Variants in EIF2S3B observed in about 807,000 individuals in gnomAD.
The protein encoded by EIF2S3B is eukaryotic translation initiation factor 2 subunit gamma B.
Under a neutral mutation model 26.4 loss-of-function variants are expected in EIF2S3B, and 16 were observed. The observed-to-expected ratio is 0.61, with a 90% confidence interval of 0.41 to 0.92. The LOEUF (loss-of-function observed/expected upper bound fraction) is 0.92. Among genes scored for constraint, EIF2S3B ranks in the 40% least tolerant of loss-of-function variants. The probability of loss-of-function intolerance (pLI) is 0.00; values close to 1 mark genes in which losing one functional copy is unlikely to be tolerated. For synonymous variants in EIF2S3B, 183 were observed against 204.4 expected (o/e 0.90, Z 0.89); for missense variants, 510 against 575.5 (o/e 0.89, Z 1.16).
chr12:10,514,234 C>T (rs1354567030), intron 1 of EIF2S3B, among the ~76,000 whole-genome samples: 1 of 111,992 alleles, frequency 8.9e-6, no homozygotes, highest in African/African-American at 2.9e-5. Context: ...TCCTACTTGT[C>T]TCATCAAAAT....
Position 10,506,429 on chromosome 12 carries a change from C to G in EIF2S3B, c.527C>G (p.Ala176Gly). The change falls in exon 1 of 1, where the codon GCT becomes GGT. Residue 176 changes from alanine (A) to glycine (G), a missense_variant. Coordinates refer to ENST00000538173, the MANE Select transcript of EIF2S3B (RefSeq NM_001357734.3). ...PQPQTSEHLAAIEIMKLKHIL... is the reference protein window; with the variant it reads ...PQPQTSEHLAGIEIMKLKHIL... ...CCTCAGACATCTGAACACCTGGCTG[C>G]TATAGAGATCATGAAACTGAAGCAT... The G allele has an allele frequency of 1.2e-6, 2 of 1,613,516 alleles. No homozygotes were observed. The highest frequency in any genetic ancestry group is 1.3e-5 in the African/African-American group (1 of 75,002).
In EIF2S3B at chr12:10,506,751, C is replaced by G; in HGVS notation, c.849C>G (p.Ile283Met). 1 of 1,613,932 alleles carries G rather than the reference C, an allele frequency of 6.2e-7. No individual in the cohort carries two copies. Among genetic ancestry groups the G allele is most frequent in the Non-Finnish European group, 8.5e-7 (1 of 1,179,862 alleles). The change falls in exon 1 of 1, where the codon ATC becomes ATG. Residue 283 changes from isoleucine to methionine, a missense_variant. By Grantham distance (10) the Ile-to-Met change is conservative. Transcript: ENST00000538173. ...DLKGGVAGGS[I>M]LKGVLKVGQE... ...AGGGAGGTGTAGCTGGTGGTAGTAT[C>G]CTAAAAGGAGTATTAAAGGTGGGCC...
At chr12:10,520,663 G>A (rs1184943363) in intron 1 of EIF2S3B, among the ~76,000 whole-genome samples, 1 of 151,948 alleles carries the variant, frequency 6.6e-6, no homozygotes, top group Non-Finnish European at 1.5e-5. Flanking sequence ...TGAGCTGAAC[G>A]TCTTCCGTTC....
Position 10,506,419 on chromosome 12 carries a change from C to T in EIF2S3B, c.517C>T (p.His173Tyr). The change falls in exon 1 of 1, where the codon CAC (histidine) becomes TAC (tyrosine). Residue 173 changes from histidine to tyrosine, a missense_variant. Physicochemically the swap from His to Tyr is moderately conservative, Grantham distance 83. Transcript: ENST00000538173. ...ESCPQPQTSE[H>Y]LAAIEIMKLK... ...TTGCCCTCAGCCTCAGACATCTGAACACCTGGCTGCTATAGAGATCATGAA... is the reference window on the plus strand; with the variant it reads ...TTGCCCTCAGCCTCAGACATCTGAATACCTGGCTGCTATAGAGATCATGAA... 6.2e-7 allele frequency: 1 copy of T among 1,613,756 alleles called. No homozygotes were observed.
At chr12:10,515,742 T>A (rs1864748339) in intron 1 of EIF2S3B, among the ~76,000 whole-genome samples, 1 of 151,708 alleles carries the variant, frequency 6.6e-6, no homozygotes, top group African/African-American at 2.4e-5. Flanking sequence ...CAAACCCCAT[T>A]TTACACACAA....
rs758644903 is a variant in EIF2S3B, at chr12:10,508,051, A to C, written c.*730A>C. Among the ~76,000 whole-genome samples, 3 of 152,210 alleles carry C rather than the reference A, an allele frequency of 2.0e-5. No individual in the cohort carries two copies. Among genetic ancestry groups the C allele is most frequent in the Non-Finnish European group, 2.9e-5 (2 of 68,024 alleles). On this transcript the variant is annotated 3_prime_UTR_variant, in exon 1 of 1. Coordinates refer to ENST00000538173, the MANE Select transcript of EIF2S3B (RefSeq NM_001357734.3). ...GTTGTACCAGTAAAAACTTAAAGGCACAAATTATCCTTGAAGACCTTCTCC... is the reference window on the plus strand; with the variant it reads ...GTTGTACCAGTAAAAACTTAAAGGCCCAAATTATCCTTGAAGACCTTCTCC...
At position 10,507,435 on chromosome 12, in the gene EIF2S3B, C is replaced by T. The variant is rs1864650495; in HGVS notation, c.*114C>T. ...GGGGAATTGATTTCACAGTTTGTTA[C>T]CTTAGTAGGTAACGGTAAGGTTATT... On this transcript the variant is annotated 3_prime_UTR_variant, in exon 1 of 1. Coordinates refer to ENST00000538173, the MANE Select transcript of EIF2S3B (RefSeq NM_001357734.3). The T allele has an allele frequency of 3.6e-5, 45 of 1,247,848 alleles. No homozygotes were observed. The South Asian group carries it at 5.9e-4, about 16-fold the overall frequency. 77.3% of individuals were successfully genotyped at this position (1,247,848 alleles called of 1,614,324 possible).
rs1372646233 is a variant in EIF2S3B at position 10,506,430 on chromosome 12, T to C, written c.528T>C (p.Ala176=). 1.2e-6 allele frequency: 2 copies of C among 1,613,670 alleles called. No homozygotes were observed. The highest frequency in any genetic ancestry group is 2.2e-5 in the East Asian group (1 of 44,884). ...CTCAGACATCTGAACACCTGGCTGC[T>C]ATAGAGATCATGAAACTGAAGCATA... The part of the protein sequence containing the change: ...PQPQTSEHLA[A]IEIMKLKHIL... Residue 176 remains alanine, a synonymous_variant, in exon 1 of 1, where the codon GCT becomes GCC. Coordinates refer to ENST00000538173, the MANE Select transcript of EIF2S3B (RefSeq NM_001357734.3).
At chr12:10,509,012 T>G (rs886579943), downstream of EIF2S3B, among the ~76,000 whole-genome samples, 5 of 152,112 alleles carry the variant, frequency 3.3e-5, no homozygotes, top group Non-Finnish European at 7.4e-5. Context: ...CCATTTTATG[T>G]TGAGTGTTGA....
Position 10,507,751 on chromosome 12 carries a change from C to T in EIF2S3B, c.*430C>T, listed in dbSNP as rs1565526641. Among the ~76,000 whole-genome samples, 1 of 152,110 alleles carries T rather than the reference C, an allele frequency of 6.6e-6. No homozygotes were observed. The highest frequency in any genetic ancestry group is 2.4e-5 in the African/African-American group (1 of 41,414). On this transcript the variant is annotated 3_prime_UTR_variant, in exon 1 of 1. Transcript: ENST00000538173. ...GAGATTACAGGTGTGTGCCACCACA[C>T]GGGGCTAATTTTTGTATTAGTAGAG...
intron 1 of EIF2S3B, among the ~76,000 whole-genome samples, chr12:10,522,274 G>A (rs897231907): frequency 2.0e-5 from 3 of 152,194 alleles, no homozygotes; most frequent in Non-Finnish European, 4.4e-5. Context: ...GTTTTAGGCT[G>A]CAGTGAGCCA....
chr12:10,508,525 C>CAAAAAAAG (rs1864671398), downstream of EIF2S3B, among the ~76,000 whole-genome samples: 1 of 62,972 alleles, frequency 1.6e-5, no homozygotes, highest in African/African-American at 5.5e-5. Flanking sequence ...TGTTAGAAAG[C>CAAAAAAAG]AAAAAAAAAA....
In EIF2S3B at chr12:10,506,459, T is replaced by A. The variant is rs1056811649; in HGVS notation, c.557T>A (p.Leu186Ter). The change falls in exon 1 of 1, where the codon TTG (leucine) becomes TAG (stop). Residue 186 changes from leucine (L) to a stop codon, truncating the protein, a stop_gained. Transcript: ENST00000538173. LOFTEE classifies it high-confidence loss of function. ...GAGATCATGAAACTGAAGCATATTT[T>A]GATTCTACAAAATAAAATTGATTTG... Reference protein sequence around the residue: ...AIEIMKLKHILILQNKIDLVK... With the variant: ...AIEIMKLKHI 2.5e-6 allele frequency: 4 copies of A among 1,612,180 alleles called. No individual in the cohort carries two copies. The highest frequency in any genetic ancestry group is 8.5e-7 in the Non-Finnish European group (1 of 1,178,296).
downstream of EIF2S3B, among the ~76,000 whole-genome samples, chr12:10,511,474 GAACA>G (rs2055754447): frequency 1.3e-5 from 2 of 152,130 alleles, no homozygotes; most frequent in Non-Finnish European, 2.9e-5. Flanking sequence ...AAATTCTAAA[GAACA>G]AAGTGAATGA....
chr12:10,514,732 A>T (rs1166814706), intron 1 of EIF2S3B, among the ~76,000 whole-genome samples: 1 of 152,198 alleles, frequency 6.6e-6, no homozygotes, highest in African/African-American at 2.4e-5. Context: ...ACTGAATCCA[A>T]TGCAGATTCC....
rs768117448 is a variant in EIF2S3B at position 10,507,010 on chromosome 12, G to A, written c.1108G>A (p.Glu370Lys). 47 of 1,613,808 alleles carry A rather than the reference G, an allele frequency of 2.9e-5. No individual in the cohort carries two copies. In the East Asian group the frequency reaches 3.8e-4, roughly 13 times the overall value. ...AVGALPEIFT[E>K]LEISYFLLRR... ...CGGAGCTTTACCTGAGATATTCACA[G>A]AATTGGAAATTTCCTATTTCCTGCT... The change falls in exon 1 of 1, where the codon GAA becomes AAA. Residue 370 changes from glutamate (E) to lysine (K), a missense_variant. Glu to Lys is a moderately conservative substitution (Grantham distance 56). Transcript: ENST00000538173.
intron 1 of EIF2S3B, among the ~76,000 whole-genome samples, chr12:10,515,945 G>T (rs1276988212): frequency 2.0e-5 from 3 of 150,628 alleles, no homozygotes; most frequent in Non-Finnish European, 4.4e-5. Context: ...TATAAAATAA[G>T]TGTTAGTATA....
At chr12:10,520,388 A>T (rs1446104467) in intron 1 of EIF2S3B, among the ~76,000 whole-genome samples, 1 of 144,728 alleles carries the variant, frequency 6.9e-6, no homozygotes, top group African/African-American at 2.6e-5. Context: ...GAGGGATAGC[A>T]TTAGGAGATA....
intron 1 of EIF2S3B, among the ~76,000 whole-genome samples, chr12:10,515,826 GTA>G (rs1478205006): frequency 6.6e-6 from 1 of 151,232 alleles, no homozygotes; most frequent in South Asian, 2.1e-4. Flanking sequence ...TATACTACAT[GTA>G]TATATATGTG....
Sources: allele counts gnomAD v4.1 joint callset (sites outside exome capture counted in the v4.1 genomes callset), GRCh38; gene constraint gnomAD v4.1.1; transcripts MANE v1.5; gene names NCBI Gene and HGNC (gene_info 2026-07-23, HGNC 2026-07-21).